Variants in GPHN observed in about 807,000 individuals in gnomAD.
GPHN encodes the protein gephyrin.
In GPHN, 17 loss-of-function variants were observed where a neutral mutation model predicts 95.5. The observed-to-expected ratio is 0.18, with a 90% CI of 0.12 to 0.27. The LOEUF (loss-of-function observed/expected upper bound fraction) is 0.27. Ranked by LOEUF, GPHN falls within the 10% of genes least tolerant of loss-of-function variation. The pLI is 1.00. For synonymous variants in GPHN, 320 were observed against 322.5 expected, an observed-to-expected ratio of 0.99 and a Z score of 0.08; for missense variants, 660 against 978.1, an observed-to-expected ratio of 0.67 and a Z score of 4.34.
chr14:67,388,004 G>T, the GPHN span, among the ~76,000 whole-genome samples: 1 of 151,986 alleles, frequency 6.6e-6, no homozygotes, highest in African/African-American at 2.4e-5. Flanking sequence ...GAAACTGAGG[G>T]GAAAGATTAT....
chr14:67,068,612 G>A (rs561699934), intron 11 of GPHN, among the ~76,000 whole-genome samples: 2 of 152,160 alleles, frequency 1.3e-5, no homozygotes, highest in South Asian at 4.1e-4. Flanking sequence ...TAATAGAAAG[G>A]ATTTTGCTTT....
the GPHN span, chr14:67,222,169 C>T: frequency 4.5e-6 from 1 of 224,474 alleles, no homozygotes; most frequent in South Asian, 1.5e-4. Flanking sequence ...GCCATCCTTG[C>T]TGATATATAA....
chr14:67,540,746 T>C, the GPHN span, among the ~76,000 whole-genome samples: 1 of 152,206 alleles, frequency 6.6e-6, no homozygotes, highest in African/African-American at 2.4e-5. Flanking sequence ...TTGGGAAGCA[T>C]CATTCATCAT....
chr14:67,673,496 T>C, the GPHN span, among the ~76,000 whole-genome samples: 1,039 of 152,358 alleles, frequency 6.8e-3, 9 homozygotes, highest in Non-Finnish European at 7.9e-3. Context: ...CGTATCTTTT[T>C]CACTGTAATT....
At chr14:67,224,711 A>T in the GPHN span, 1 of 295,982 alleles carries the variant, frequency 3.4e-6, no homozygotes, top group African/African-American at 2.3e-5. Flanking sequence ...CAAAGGATAG[A>T]GATTCAAGAA....
chr14:66,844,807 A>G (rs895588968), intron 4 of GPHN, among the ~76,000 whole-genome samples: 1 of 152,132 alleles, frequency 6.6e-6, no homozygotes, highest in Admixed American at 6.6e-5. Flanking sequence ...GTTTTGTGCA[A>G]CCGTCACCAC....
intron 1 of GPHN, among the ~76,000 whole-genome samples, chr14:66,606,439 T>A (rs569308654): frequency 3.5e-4 from 54 of 152,294 alleles, no homozygotes; most frequent in African/African-American, 1.2e-3. Context: ...TTTTGCTTAG[T>A]ATTGCCTTGG....
At chr14:66,627,278 T>C (rs2063560840) in intron 1 of GPHN, among the ~76,000 whole-genome samples, 1 of 152,040 alleles carries the variant, frequency 6.6e-6, no homozygotes, top group Non-Finnish European at 1.5e-5. Context: ...TGTTTCACAA[T>C]TTTACTCTTT....
intron 19 of GPHN, 134 bp downstream of exon 19, chr14:67,159,622 G>C (rs937441561): frequency 2.8e-5 from 20 of 720,798 alleles, no homozygotes; most frequent in Non-Finnish European, 4.8e-5. Flanking sequence ...ATAGTATTAG[G>C]ATCCTTTGCA....
chr14:67,674,228 G>A, the GPHN span: 2 of 648,198 alleles, frequency 3.1e-6, no homozygotes, highest in East Asian at 3.1e-5. Context: ...AGGGAGACCT[G>A]GGGCTGGGAC....
At chr14:67,370,775 C>T in the GPHN span, among the ~76,000 whole-genome samples, 1 of 152,200 alleles carries the variant, frequency 6.6e-6, no homozygotes, top group Non-Finnish European at 1.5e-5. Flanking sequence ...TCTGTAATTC[C>T]AGCACTTTGG....
the GPHN span, among the ~76,000 whole-genome samples, chr14:67,380,468 C>T: frequency 2.0e-5 from 3 of 152,098 alleles, no homozygotes; most frequent in Admixed American, 2.0e-4. Flanking sequence ...ATTTTGATTT[C>T]ACTAATAATC....
chr14:67,190,113 A>G, the GPHN span, among the ~76,000 whole-genome samples: 1 of 134,820 alleles, frequency 7.4e-6, no homozygotes, highest in African/African-American at 2.8e-5. Flanking sequence ...ACAGGGTTTC[A>G]CATGTTGGCC....
At chr14:66,837,450 G>C (rs1468884042) in intron 4 of GPHN, among the ~76,000 whole-genome samples, 1 of 76,368 alleles carries the variant, frequency 1.3e-5, no homozygotes, top group South Asian at 6.0e-4. Context: ...GTTGTGGGGT[G>C]GGGGGAGGGG....
At chr14:66,627,734 C>T (rs1049818498) in intron 1 of GPHN, among the ~76,000 whole-genome samples, 3 of 151,918 alleles carry the variant, frequency 2.0e-5, no homozygotes, top group Non-Finnish European at 2.9e-5. Flanking sequence ...ATCTGATGTA[C>T]GTAGATTATA....
intron 3 of GPHN, among the ~76,000 whole-genome samples, chr14:66,821,226 G>T: frequency 6.6e-6 from 1 of 152,248 alleles, no homozygotes; most frequent in Middle Eastern, 3.4e-3. Flanking sequence ...TAATAAGTTG[G>T]TACAGTAAAT....
chr14:66,752,107 C>T (rs1440646137), intron 2 of GPHN, among the ~76,000 whole-genome samples: 1 of 152,082 alleles, frequency 6.6e-6, no homozygotes, highest in Non-Finnish European at 1.5e-5. Flanking sequence ...TTCCTCACCT[C>T]TCTCAGCCTT....
At chr14:67,357,538 GTCTATTTTTGCC>G in the GPHN span, among the ~76,000 whole-genome samples, 1 of 152,180 alleles carries the variant, frequency 6.6e-6, no homozygotes, top group Non-Finnish European at 1.5e-5. Flanking sequence ...GCCCAAAGAT[GTCTATTTTTGCC>G]TCTTAGTCTC....
the GPHN span, among the ~76,000 whole-genome samples, chr14:67,498,704 C>T: frequency 5.9e-5 from 9 of 152,168 alleles, no homozygotes; most frequent in Non-Finnish European, 7.4e-5. Context: ...CTCCCTCTGT[C>T]GCCCAGGCTG....
Sources: allele counts gnomAD v4.1 joint callset (sites outside exome capture counted in the v4.1 genomes callset), GRCh38; gene constraint gnomAD v4.1.1; transcripts MANE v1.5; gene names NCBI Gene and HGNC (gene_info 2026-07-23, HGNC 2026-07-21).